The following MACROD2 variants were observed in gnomAD, a reference collection of about 807,000 sequenced individuals.
MACROD2 encodes the protein mono-ADP ribosylhydrolase 2, also known as ADP-ribose glycohydrolase MACROD2.
Under a neutral mutation model 70.4 loss-of-function variants are expected in MACROD2, and 36 were observed. The observed-to-expected ratio is 0.51, with a 90% CI of 0.39 to 0.68. MACROD2 has a LOEUF of 0.68. MACROD2 is among the 30% of genes least tolerant of loss of function. The pLI is 0.00. For synonymous variants in MACROD2, 172 were observed against 178.8 expected, an observed-to-expected ratio of 0.96 and a Z score of 0.30; for missense variants, 496 against 538.4, an observed-to-expected ratio of 0.92 and a Z score of 0.78.
chr20:15,675,941 G>A (rs76681109), intron 8 of MACROD2, among the ~76,000 whole-genome samples: 3,298 of 152,154 alleles, frequency 0.022, 117 homozygotes, highest in African/African-American at 0.075. Flanking sequence ...AGAAACCTGT[G>A]TATCCATGAA....
At chr20:14,565,591 C>T (rs76994713) in intron 4 of MACROD2, among the ~76,000 whole-genome samples, 1 of 151,852 alleles carries the variant, frequency 6.6e-6, no homozygotes, top group Non-Finnish European at 1.5e-5. Flanking sequence ...TTGGTTCTTA[C>T]AAGTCCTAAA....
intron 4 of MACROD2, among the ~76,000 whole-genome samples, chr20:14,577,814 G>GAAGAGAAGAGAAGAGAAGAA (rs1249798288): frequency 3.3e-5 from 5 of 151,634 alleles, no homozygotes; most frequent in African/African-American, 1.2e-4. Context: ...GAAGAGAAGA[G>GAAGAGAAGAGAAGAGAAGAA]AAGAGAAGAG....
At chr20:15,597,939 C>A (rs777007699) in intron 8 of MACROD2, among the ~76,000 whole-genome samples, 3 of 152,098 alleles carry the variant, frequency 2.0e-5, no homozygotes, top group Non-Finnish European at 4.4e-5. Flanking sequence ...ATTAGCCAGG[C>A]GTGGTGGTGG....
intron 6 of MACROD2, among the ~76,000 whole-genome samples, chr20:15,304,760 A>G (rs574254384): frequency 6.6e-6 from 1 of 152,274 alleles, no homozygotes; most frequent in East Asian, 1.9e-4. Context: ...ATATTTAGCC[A>G]ATCGGGTCTA....
intron 3 of MACROD2, among the ~76,000 whole-genome samples, chr20:14,466,154 G>A (rs1188155059): frequency 2.6e-5 from 4 of 152,032 alleles, no homozygotes; most frequent in Non-Finnish European, 4.4e-5. Flanking sequence ...CATTCTCCCC[G>A]TCACTTTCAG....
intron 8 of MACROD2, among the ~76,000 whole-genome samples, chr20:15,739,394 A>G (rs1407692326): frequency 6.6e-6 from 1 of 152,220 alleles, no homozygotes; most frequent in Non-Finnish European, 1.5e-5. Context: ...CTACCCAGAG[A>G]GAACACATTC....
At chr20:14,520,477 G>GTTT (rs11087094) in intron 4 of MACROD2, among the ~76,000 whole-genome samples, 10 of 149,814 alleles carry the variant, frequency 6.7e-5, no homozygotes, top group African/African-American at 2.5e-4. Context: ...ACTGTTTGAG[G>GTTT]TTTTTTTTGT....
chr20:16,035,684 A>G (rs1248626444), intron 15 of MACROD2, among the ~76,000 whole-genome samples: 2 of 151,986 alleles, frequency 1.3e-5, no homozygotes, highest in African/African-American at 4.8e-5. Flanking sequence ...CTTCATCTCA[A>G]ACCATCTTCA....
chr20:16,038,528 TG>T (rs199554522), intron 15 of MACROD2, among the ~76,000 whole-genome samples: 8 of 126,782 alleles, frequency 6.3e-5, no homozygotes, highest in Admixed American at 7.6e-5. Context: ...CTTGTTTTTG[TG>T]GGGTTTTTTT....
intron 7 of MACROD2, among the ~76,000 whole-genome samples, chr20:15,475,820 G>A (rs534010054): frequency 6.6e-6 from 1 of 152,210 alleles, no homozygotes; most frequent in Non-Finnish European, 1.5e-5. Flanking sequence ...CATCTGAAGG[G>A]TAATTCTGAT....
chr20:14,789,803 A>G (rs1426308678), intron 5 of MACROD2, among the ~76,000 whole-genome samples: 1 of 152,052 alleles, frequency 6.6e-6, no homozygotes, highest in Admixed American at 6.5e-5. Context: ...ATGCAAACTT[A>G]TAAACCACCC....
intron 5 of MACROD2, among the ~76,000 whole-genome samples, chr20:15,223,906 C>T (rs949115292): frequency 1.3e-5 from 2 of 152,154 alleles, no homozygotes; most frequent in South Asian, 2.1e-4. Context: ...ACTCCCAAGC[C>T]TGTGTTATAA....
chr20:15,214,496 T>C (rs978627457), intron 5 of MACROD2, among the ~76,000 whole-genome samples: 1 of 152,156 alleles, frequency 6.6e-6, no homozygotes, highest in Non-Finnish European at 1.5e-5. Flanking sequence ...AAGACCAGCA[T>C]GGTCATCATA....
At chr20:15,463,889 C>G (rs1315225283) in intron 7 of MACROD2, among the ~76,000 whole-genome samples, 1 of 152,170 alleles carries the variant, frequency 6.6e-6, no homozygotes. Context: ...TGTTCTTGAT[C>G]CTACAGCTTG....
chr20:15,155,489 T>G (rs1301118259), intron 5 of MACROD2, among the ~76,000 whole-genome samples: 1 of 152,190 alleles, frequency 6.6e-6, no homozygotes, highest in East Asian at 1.9e-4. Context: ...TACTCTTTAC[T>G]TGAGAAACTT....
chr20:14,653,247 T>C (rs1032546695), intron 4 of MACROD2, among the ~76,000 whole-genome samples: 20 of 147,158 alleles, frequency 1.4e-4, no homozygotes, highest in Non-Finnish European at 2.3e-4. Flanking sequence ...GAGACGGAGT[T>C]TCGCTCTGTT....
At chr20:15,540,720 G>A (rs968376542) in intron 8 of MACROD2, among the ~76,000 whole-genome samples, 3 of 152,114 alleles carry the variant, frequency 2.0e-5, no homozygotes, top group African/African-American at 4.8e-5. Flanking sequence ...TCAAGGTATC[G>A]GCAGGGTTCC....
At position 15,288,879 on chromosome 20, in the gene MACROD2, A is replaced by ATCTT. The variant is rs1362103639; in HGVS notation, c.540+58821_540+58822insTTCT. Among the ~76,000 whole-genome samples, 9 of 150,680 alleles carry ATCTT rather than the reference A, an allele frequency of 6.0e-5. No individual in the cohort carries two copies. In the South Asian group the frequency reaches 1.3e-3, roughly 21 times the overall value. On this transcript the variant is annotated intron_variant, in intron 6 of 17. Transcript: ENST00000684519. ...TGTCTGTCTGTCTGTCTATCTATCT[A>ATCTT]TCTATCTATCTATCTATCTATCTAT...
chr20:15,528,820 C>T (rs902044317), intron 8 of MACROD2, among the ~76,000 whole-genome samples: 2 of 151,708 alleles, frequency 1.3e-5, no homozygotes, highest in Admixed American at 6.6e-5. Context: ...ATCTTGAACT[C>T]GAAACTCTTA....
Sources: allele counts gnomAD v4.1 joint callset (sites outside exome capture counted in the v4.1 genomes callset), GRCh38; gene constraint gnomAD v4.1.1; transcripts MANE v1.5; gene names NCBI Gene and HGNC (gene_info 2026-07-23, HGNC 2026-07-21).